The following PUM3 variants were observed in gnomAD, a reference collection of about 807,000 sequenced individuals.
PUM3 encodes the protein pumilio homolog 3.
PUM3 carries 91 observed loss-of-function variants against 84.0 expected under a neutral mutation model. The observed-to-expected ratio is 1.08, with a 90% confidence interval of 0.91 to 1.29. PUM3 has a LOEUF of 1.29. Ranked by LOEUF, PUM3 falls within the 50% of genes most tolerant of loss-of-function variation. PUM3 has a pLI of 0.00. For missense variants in PUM3, 1,067 were observed against 767.5 expected, an observed-to-expected ratio of 1.39 and a Z score of -4.61; for synonymous variants, 321 against 266.7, an observed-to-expected ratio of 1.20 and a Z score of -1.98.
At chr9:2,836,167 G>A (rs569716207) in intron 3 of PUM3, among the ~76,000 whole-genome samples, 23 of 152,242 alleles carry the variant, frequency 1.5e-4, no homozygotes, top group African/African-American at 5.5e-4. Flanking sequence ...TTGTCTTAAG[G>A]CTGCTGTCCC....
At chr9:2,833,105 G>A (rs1215189966) in intron 5 of PUM3, among the ~76,000 whole-genome samples, 1 of 152,064 alleles carries the variant, frequency 6.6e-6, no homozygotes, top group Non-Finnish European at 1.5e-5. Context: ...ATAACTTTAA[G>A]GAAACACTGG....
intron 2 of PUM3, among the ~76,000 whole-genome samples, chr9:2,837,801 T>C (rs2129886449): frequency 6.6e-6 from 1 of 152,284 alleles, no homozygotes; most frequent in East Asian, 1.9e-4. Context: ...TCTTAAGAAA[T>C]GACTTCTTGA....
intron 13 of PUM3, among the ~76,000 whole-genome samples, chr9:2,815,747 C>A (rs1821455550): frequency 6.6e-6 from 1 of 152,126 alleles, no homozygotes; most frequent in South Asian, 2.1e-4. Context: ...GAGTTTTTAC[C>A]CTCAAGAGAA....
intron 13 of PUM3, among the ~76,000 whole-genome samples, chr9:2,816,063 G>A (rs558417909): frequency 3.9e-4 from 59 of 152,304 alleles, no homozygotes; most frequent in Non-Finnish European, 6.6e-4. Flanking sequence ...GGGTTAAGGC[G>A]TGTGCGTTTT....
chr9:2,818,789 A>T (rs961600345), intron 13 of PUM3, among the ~76,000 whole-genome samples: 3 of 152,232 alleles, frequency 2.0e-5, no homozygotes, highest in African/African-American at 7.2e-5. Context: ...GGAAAATGAC[A>T]GCAAGGGCAT....
At chr9:2,833,241 T>C in intron 5 of PUM3, 116 bp downstream of exon 5, 1 of 509,372 alleles carries the variant, frequency 2.0e-6, no homozygotes. Context: ...TTTAAAACTT[T>C]TGGCCAAATA....
At chr9:2,841,778 C>A (rs993258762) in intron 1 of PUM3, among the ~76,000 whole-genome samples, 2 of 151,142 alleles carry the variant, frequency 1.3e-5, no homozygotes, top group African/African-American at 2.4e-5. Context: ...AGTGAAGTTA[C>A]ATGTTTATAA....
chr9:2,831,513 T>C (rs1815979986), intron 5 of PUM3, among the ~76,000 whole-genome samples, 169 bp from the exon 6 acceptor site: 1 of 152,164 alleles, frequency 6.6e-6, no homozygotes, highest in Admixed American at 6.5e-5. Flanking sequence ...AAAACATCAT[T>C]CTGTTGTTTT....
intron 10 of PUM3, among the ~76,000 whole-genome samples, chr9:2,825,687 G>T (rs1330520429): frequency 6.6e-6 from 1 of 151,954 alleles, no homozygotes; most frequent in Non-Finnish European, 1.5e-5. Flanking sequence ...TCACCATATT[G>T]GCCAGGCTGG....
At chr9:2,832,607 G>A (rs1482311856) in intron 5 of PUM3, among the ~76,000 whole-genome samples, 1 of 152,196 alleles carries the variant, frequency 6.6e-6, no homozygotes, top group Non-Finnish European at 1.5e-5. Flanking sequence ...GGGTAGTTGA[G>A]AAAGAATCCT....
chr9:2,841,627 T>C (rs748293901), intron 1 of PUM3, among the ~76,000 whole-genome samples: 3 of 151,612 alleles, frequency 2.0e-5, no homozygotes, highest in Non-Finnish European at 4.4e-5. Flanking sequence ...GGAGAATATA[T>C]GGACATCCTA....
chr9:2,813,059 C>G (rs907869410), intron 13 of PUM3, among the ~76,000 whole-genome samples: 1 of 152,120 alleles, frequency 6.6e-6, no homozygotes, highest in African/African-American at 2.4e-5. Context: ...TGTTTAGCTA[C>G]CGCAATGAAA....
Position 2,838,458 on chromosome 9 carries a change from G to A in PUM3, c.50C>T (p.Ala17Val), listed in dbSNP as rs1411425877. 1.2e-5 allele frequency: 19 copies of A among 1,612,598 alleles called. No individual in the cohort carries two copies. The highest frequency in any genetic ancestry group is 1.6e-5 in the Non-Finnish European group (19 of 1,179,078). Reference protein sequence around the residue: ...KQFTGKSTKTAQEKNRFHKNS... With the variant: ...KQFTGKSTKTVQEKNRFHKNS... ...TTTATGAAATCTGTTTTTTTCTTGT[G>A]CTGTCTTTGTACTCTTTCCTGTGAA... Residue 17 changes from alanine to valine, a missense_variant, in exon 2 of 18, where the codon GCA (alanine) becomes GTA (valine). Transcript: ENST00000397885.
At chr9:2,830,794 A>G (rs1053018029) in intron 7 of PUM3, among the ~76,000 whole-genome samples, 168 bp downstream of exon 7, 15 of 152,200 alleles carry the variant, frequency 9.9e-5, no homozygotes, top group African/African-American at 3.6e-4. Flanking sequence ...ATTAATTTCG[A>G]TAATTGTATT....
chr9:2,838,949 T>G (rs999731850), intron 1 of PUM3, among the ~76,000 whole-genome samples: 2 of 152,220 alleles, frequency 1.3e-5, no homozygotes, highest in South Asian at 2.1e-4. Context: ...ATAGGCTGCA[T>G]GTACCACTAC....
rs1433965208 is a variant in PUM3 at position 2,834,117 on chromosome 9, TTTC to T, written c.351_353del (p.Lys118del). ...TGAGTTGTCTGCTTTGCTTCAGTTCTTTCTTCTTCTTTTTGAAGTCATCCCATT... is the reference window on the plus strand; with the variant it reads ...TGAGTTGTCTGCTTTGCTTCAGTTCTTTCTTCTTTTTGAAGTCATCCCATT... On this transcript the variant is annotated inframe_deletion, in exon 4 of 18. Transcript: ENST00000397885. 4 of 1,613,624 alleles carry T rather than the reference TTTC, an allele frequency of 2.5e-6. No individual in the cohort carries two copies. Among genetic ancestry groups the T allele is most frequent in the South Asian group, 1.1e-5 (1 of 91,050 alleles).
intron 15 of PUM3, among the ~76,000 whole-genome samples, chr9:2,811,087 C>T (rs1207992093): frequency 6.6e-6 from 1 of 152,200 alleles, no homozygotes; most frequent in Non-Finnish European, 1.5e-5. Context: ...CTTCCCCAAT[C>T]GCAGGTGTCA....
chr9:2,841,973 C>A (rs1396622997), intron 1 of PUM3, among the ~76,000 whole-genome samples: 5 of 152,166 alleles, frequency 3.3e-5, no homozygotes, highest in Admixed American at 3.3e-4. Flanking sequence ...TCTAAAAAGT[C>A]CCCTGGTACA....
At chr9:2,807,758 A>AGT in intron 17 of PUM3, 56 bp downstream of exon 17, 1 of 1,069,514 alleles carries the variant, frequency 9.4e-7, no homozygotes, top group South Asian at 1.3e-5. Flanking sequence ...ACGTGAAGGA[A>AGT]GTGTGTCTTT....
Sources: gnomAD v4.1 joint callset for allele counts (sites outside exome capture counted in the v4.1 genomes callset) on GRCh38, gnomAD v4.1.1 for gene constraint, MANE v1.5 for transcripts, NCBI Gene and HGNC (gene_info 2026-07-23, HGNC 2026-07-21) for gene names.